The following SGCD variants were observed in gnomAD, a reference collection of about 807,000 sequenced individuals.
The protein encoded by SGCD is delta-sarcoglycan.
In SGCD, 18 loss-of-function variants were observed where a neutral mutation model predicts 36.6. That is an observed-to-expected ratio of 0.49 (90% confidence interval 0.34 to 0.73). SGCD has a LOEUF of 0.73. SGCD is among the 30% of genes least tolerant of loss of function. The pLI, the probability that SGCD is intolerant of heterozygous loss-of-function variation, is 0.01. For missense variants in SGCD, 387 were observed against 346.7 expected, an observed-to-expected ratio of 1.12 and a Z score of -0.92; for synonymous variants, 133 against 130.6, an observed-to-expected ratio of 1.02 and a Z score of -0.12.
At chr5:156,674,220 C>T (rs2113665920) in intron 7 of SGCD, among the ~76,000 whole-genome samples, 1 of 152,266 alleles carries the variant, frequency 6.6e-6, no homozygotes, top group South Asian at 2.1e-4. Flanking sequence ...TATGACAACA[C>T]ATTCAATACT....
intron 3 of SGCD, among the ~76,000 whole-genome samples, chr5:156,227,560 C>T (rs1473333788): frequency 1.3e-5 from 2 of 151,604 alleles, no homozygotes; most frequent in African/African-American, 4.8e-5. Flanking sequence ...GTTCTTTATG[C>T]TTAGTCTTGC....
intron 6 of SGCD, among the ~76,000 whole-genome samples, chr5:156,619,134 G>A (rs577742709): frequency 2.7e-4 from 40 of 150,632 alleles, no homozygotes; most frequent in African/African-American, 8.8e-4. Context: ...CACGCCATTC[G>A]CCTGCCTCAG....
At chr5:156,579,334 A>G (rs1303039333) in intron 4 of SGCD, among the ~76,000 whole-genome samples, 1 of 152,144 alleles carries the variant, frequency 6.6e-6, no homozygotes, top group East Asian at 1.9e-4. Flanking sequence ...ATTTCCAATT[A>G]TGTGGTCAAT....
intron 4 of SGCD, among the ~76,000 whole-genome samples, chr5:156,532,312 A>C (rs1175928265): frequency 6.6e-6 from 1 of 152,178 alleles, no homozygotes; most frequent in African/African-American, 2.4e-5. Flanking sequence ...TGAATGAACT[A>C]CTAGATGTGA....
At chr5:156,463,216 T>C (rs530016872) in intron 3 of SGCD, among the ~76,000 whole-genome samples, 4 of 151,948 alleles carry the variant, frequency 2.6e-5, no homozygotes, top group African/African-American at 4.8e-5. Flanking sequence ...ATTTTTTGTA[T>C]TTTTTTTAGG....
intron 7 of SGCD, among the ~76,000 whole-genome samples, chr5:156,673,025 A>G (rs1201732105): frequency 6.6e-6 from 1 of 152,204 alleles, no homozygotes; most frequent in Admixed American, 6.5e-5. Context: ...GCAGTGCCCT[A>G]CACGTCTTCA....
At chr5:155,830,335 A>G in the SGCD span, among the ~76,000 whole-genome samples, 22 of 113,204 alleles carry the variant, frequency 1.9e-4, no homozygotes, top group African/African-American at 8.5e-4. Flanking sequence ...GTGTGTATAC[A>G]CTCGTGGTGT....
chr5:156,085,759 T>C (rs1049082955), intron 1 of SGCD, among the ~76,000 whole-genome samples: 14 of 152,208 alleles, frequency 9.2e-5, no homozygotes, highest in African/African-American at 3.4e-4. Flanking sequence ...AGATACCCTT[T>C]TTAGGGGCTT....
intron 1 of SGCD, among the ~76,000 whole-genome samples, chr5:156,021,140 A>C (rs141011427): frequency 6.8e-4 from 103 of 152,356 alleles, no homozygotes; most frequent in African/African-American, 2.2e-3. Flanking sequence ...CCCCTGAATT[A>C]ACAGTTATGT....
At chr5:156,128,033 C>A (rs149452538) in intron 3 of SGCD, among the ~76,000 whole-genome samples, 1 of 151,428 alleles carries the variant, frequency 6.6e-6, no homozygotes, top group Non-Finnish European at 1.5e-5. Flanking sequence ...TCAAAAAATA[C>A]CACCAAGAAA....
intron 7 of SGCD, among the ~76,000 whole-genome samples, chr5:156,671,528 C>T (rs1753294712): frequency 6.6e-6 from 1 of 152,150 alleles, no homozygotes; most frequent in South Asian, 2.1e-4. Flanking sequence ...CCCACCTCGG[C>T]CTCCCAAAGT....
chr5:156,382,406 G>A lies in SGCD; in HGVS notation c.192+37729G>A, dbSNP rs76842748. Among the ~76,000 whole-genome samples, 490 of 152,244 alleles carry A rather than the reference G, an allele frequency of 3.2e-3. 5 individuals are homozygous for A. Among genetic ancestry groups the A allele is most frequent in the African/African-American group, 0.011 (440 of 41,558 alleles). ...TATCAGGATATATACAAGCATAAGC[G>A]CCCAGAAAATGCTGAGGACTGCTTT... On this transcript the variant is annotated intron_variant, in intron 3 of 8. Transcript: ENST00000337851.
At chr5:155,972,360 G>A (rs1033065449) in intron 1 of SGCD, among the ~76,000 whole-genome samples, 2 of 151,940 alleles carry the variant, frequency 1.3e-5, no homozygotes, top group East Asian at 3.9e-4. Context: ...CATCATTAAT[G>A]GATATGATAG....
chr5:156,344,439 TCTC>T (rs2127716341), intron 2 of SGCD, 47 bp from the exon 3 acceptor site: 1 of 1,284,924 alleles, frequency 7.8e-7, no homozygotes, highest in East Asian at 2.7e-5. Flanking sequence ...TTTTTTCTCT[TCTC>T]TCAGCGGTTT....
chr5:156,070,545 G>A (rs750071904), intron 1 of SGCD, among the ~76,000 whole-genome samples: 1 of 150,898 alleles, frequency 6.6e-6, no homozygotes, highest in South Asian at 2.1e-4. Flanking sequence ...GTATTTTATT[G>A]AGGATTTTTG....
chr5:156,038,387 A>G (rs1427491742), intron 1 of SGCD, among the ~76,000 whole-genome samples: 1 of 150,360 alleles, frequency 6.7e-6, no homozygotes, highest in Non-Finnish European at 1.5e-5. Flanking sequence ...CCTGGAACAG[A>G]AAAAAAATCA....
intron 1 of SGCD, among the ~76,000 whole-genome samples, chr5:155,881,012 T>C (rs1297266139): frequency 6.6e-6 from 1 of 152,106 alleles, no homozygotes; most frequent in Non-Finnish European, 1.5e-5. Flanking sequence ...AAAATGTGGA[T>C]TCAGGGACTC....
Position 156,341,112 on chromosome 5 carries a change from C to T in SGCD, c.4-3377C>T, listed in dbSNP as rs183811818. 8.5e-5 allele frequency among the ~76,000 whole-genome samples: 13 copies of T among 152,210 alleles called. No homozygotes were observed. The East Asian group carries it at 2.5e-3, about 29-fold the overall frequency. ...ACATGCAATAAGCCACTATACGATG[C>T]AGCAAAAGATCCAAGTTATAATTCC... On this transcript the variant is annotated intron_variant, in intron 2 of 8. Transcript: ENST00000337851.
chr5:156,400,731 C>T (rs1450347526), intron 3 of SGCD, among the ~76,000 whole-genome samples: 2 of 152,352 alleles, frequency 1.3e-5, no homozygotes, highest in Admixed American at 6.5e-5. Context: ...GCCCTGACAA[C>T]ATGCAGCTTT....
Sources: allele counts gnomAD v4.1 joint callset (sites outside exome capture counted in the v4.1 genomes callset), GRCh38; gene constraint gnomAD v4.1.1; transcripts MANE v1.5; gene names NCBI Gene and HGNC (gene_info 2026-07-23, HGNC 2026-07-21).